GOLPH3: variants seen among roughly 807,000 people sequenced by gnomAD.
GOLPH3 encodes the protein golgi phosphoprotein 3, also known as coat protein GPP34.
Under a neutral mutation model 28.5 loss-of-function variants are expected in GOLPH3, and 14 were observed. That is an observed-to-expected ratio of 0.49 (90% CI 0.32 to 0.77). The LOEUF is 0.77. Among genes scored for constraint, GOLPH3 ranks in the 30% least tolerant of loss-of-function variants. GOLPH3 has a pLI of 0.03. For missense variants in GOLPH3, 350 were observed against 393.7 expected, an observed-to-expected ratio of 0.89 and a Z score of 0.94; for synonymous variants, 158 against 159.2, an observed-to-expected ratio of 0.99 and a Z score of 0.06.
chr5:32,150,634 T>C (rs1197065481), intron 1 of GOLPH3, among the ~76,000 whole-genome samples: 2 of 152,210 alleles, frequency 1.3e-5, no homozygotes, highest in Non-Finnish European at 2.9e-5. Flanking sequence ...TGAGTATCCC[T>C]TATCCAAAAT....
intron 2 of GOLPH3, among the ~76,000 whole-genome samples, chr5:32,142,046 C>T (rs1321324370): frequency 6.6e-6 from 1 of 152,168 alleles, no homozygotes; most frequent in South Asian, 2.1e-4. Flanking sequence ...AAGTGAGGAG[C>T]GTCTCCGCCT....
At chr5:32,157,696 G>A (rs538250494) in intron 1 of GOLPH3, among the ~76,000 whole-genome samples, 1 of 152,266 alleles carries the variant, frequency 6.6e-6, no homozygotes, top group Admixed American at 6.5e-5. Flanking sequence ...TGATACTGGG[G>A]TTGGGCATAG....
intron 3 of GOLPH3, among the ~76,000 whole-genome samples, chr5:32,133,838 AC>A (rs1745876299): frequency 6.6e-6 from 1 of 152,222 alleles, no homozygotes; most frequent in Non-Finnish European, 1.5e-5. Flanking sequence ...AGAAATTACA[AC>A]TGAAGACAAC....
rs535096489 is a variant in GOLPH3 at position 32,171,219 on chromosome 5, T to G, written c.225+2591A>C. 7.2e-5 allele frequency among the ~76,000 whole-genome samples: 11 copies of G among 152,176 alleles called. No homozygotes were observed. In the South Asian group the frequency reaches 2.1e-3, roughly 29 times the overall value. On this transcript the variant is annotated intron_variant, in intron 1 of 3. Coordinates refer to ENST00000265070, the MANE Select transcript of GOLPH3 (RefSeq NM_022130.4). ...ACCTTTTGGCTTCCCTGGGCCACAC[T>G]GGAAGAACTGTCTTGGGCCATATAT...
At chr5:32,143,324 A>G (rs1431661172) in intron 2 of GOLPH3, among the ~76,000 whole-genome samples, 2 of 151,674 alleles carry the variant, frequency 1.3e-5, no homozygotes, top group African/African-American at 4.8e-5. Context: ...GGAAGGCCGC[A>G]GGGTCCTCTG....
intron 1 of GOLPH3, among the ~76,000 whole-genome samples, chr5:32,157,466 C>A (rs1746455573): frequency 6.6e-6 from 1 of 152,154 alleles, no homozygotes; most frequent in Non-Finnish European, 1.5e-5. Context: ...CAAAGATGGG[C>A]AAACAACGCC....
At chr5:32,166,397 G>A (rs1443920971) in intron 1 of GOLPH3, among the ~76,000 whole-genome samples, 1 of 152,128 alleles carries the variant, frequency 6.6e-6, no homozygotes, top group Admixed American at 6.5e-5. Flanking sequence ...TTGTAATACT[G>A]TACAATGCTA....
chr5:32,150,560 TAGAC>T (rs1044622374), intron 1 of GOLPH3, among the ~76,000 whole-genome samples: 1 of 151,696 alleles, frequency 6.6e-6, no homozygotes, highest in African/African-American at 2.4e-5. Context: ...GGCACATGAA[TAGAC>T]AGACCAACAG....
Position 32,143,938 on chromosome 5 carries a change from T to TA in GOLPH3, c.226-59dup, listed in dbSNP as rs1223003347. The TA allele has an allele frequency of 2.4e-5, 29 of 1,229,178 alleles. No homozygotes were observed. In the East Asian group the frequency reaches 4.8e-4, roughly 20 times the overall value. 76.1% of individuals were successfully genotyped at this position (1,229,178 alleles called of 1,614,324 possible). On this transcript the variant is annotated intron_variant, in intron 1 of 3. Transcript: ENST00000265070. ...TAGCTAATTTACCTTGAATTCAGAG[T>TA]AAAAAACAGAAATATTATCAGCCAA...
intron 2 of GOLPH3, among the ~76,000 whole-genome samples, chr5:32,141,921 G>C (rs1005578546): frequency 7.2e-5 from 11 of 151,768 alleles, no homozygotes; most frequent in Non-Finnish European, 1.5e-4. Flanking sequence ...TGGTGCCCAG[G>C]CTGGAGCGCA....
rs557543590 is a variant in GOLPH3, at chr5:32,141,726, C to T, written c.357+2023G>A. ...GCCTGATTCTCCTGCCTCAGCTAGC[C>T]GAGTGCCTGCGATTGCAGGCGCGCG... is the stretch of plus-strand genomic sequence containing the variant. On this transcript the variant is annotated intron_variant, in intron 2 of 3. Transcript: ENST00000265070. Among the ~76,000 whole-genome samples the T allele has an allele frequency of 3.9e-5, 6 of 152,284 alleles. No individual in the cohort carries two copies. The East Asian group carries it at 9.6e-4, about 24-fold the overall frequency.
At chr5:32,155,388 G>C (rs1033774696) in intron 1 of GOLPH3, among the ~76,000 whole-genome samples, 3 of 151,966 alleles carry the variant, frequency 2.0e-5, no homozygotes, top group African/African-American at 7.3e-5. Flanking sequence ...ATCTCACTAC[G>C]TTGTCCAGGC....
chr5:32,162,508 A>G (rs1746608075), intron 1 of GOLPH3, among the ~76,000 whole-genome samples: 1 of 151,906 alleles, frequency 6.6e-6, no homozygotes, highest in Non-Finnish European at 1.5e-5. Context: ...AAAAAAAATT[A>G]AAATTTTTAA....
chr5:32,173,782 C>T, intron 1 of GOLPH3, 28 bp downstream of exon 1: 1 of 1,331,634 alleles, frequency 7.5e-7, no homozygotes, highest in Non-Finnish European at 9.6e-7. Flanking sequence ...CGCGCCGCCG[C>T]CCCCCGCCCA....
intron 1 of GOLPH3, among the ~76,000 whole-genome samples, chr5:32,157,901 CAGG>C (rs918389619): frequency 6.6e-6 from 1 of 151,382 alleles, no homozygotes; most frequent in Non-Finnish European, 1.5e-5. Context: ...CGCTTGAACC[CAGG>C]AGGAGGAGGT....
Position 32,130,296 on chromosome 5 carries a change from G to A in GOLPH3, c.473-3660C>T, listed in dbSNP as rs976049445. Among the ~76,000 whole-genome samples the A allele has an allele frequency of 3.9e-5, 6 of 152,114 alleles. No homozygotes were observed. The East Asian group carries it at 9.6e-4, about 24-fold the overall frequency. ...GAATTGGGTAACTATTGTGTTAAAC[G>A]ACTTAGGGAAATTTAAACTAATGCA... On this transcript the variant is annotated intron_variant, in intron 3 of 3. Transcript: ENST00000265070.
intron 3 of GOLPH3, among the ~76,000 whole-genome samples, chr5:32,131,986 C>T (rs1745834507): frequency 6.6e-6 from 1 of 152,088 alleles, no homozygotes; most frequent in African/African-American, 2.4e-5. Context: ...GAAACCCCAT[C>T]TCTACAAAAA....
intron 2 of GOLPH3, among the ~76,000 whole-genome samples, chr5:32,138,599 G>C (rs1264012332): frequency 6.6e-6 from 1 of 152,010 alleles, no homozygotes; most frequent in African/African-American, 2.4e-5. Flanking sequence ...TTAATATTTT[G>C]ATTTAACCAA....
Position 32,173,966 on chromosome 5 carries a change from G to T in GOLPH3, c.69C>A (p.Ala23=), listed in dbSNP as rs752458232. The part of the protein sequence containing the change: ...QRRTEASRNA[A]DKERAAGGGA... Reference sequence around the variant, plus strand: ...CGCCGCCCGCCGCCCGCTCCTTGTCGGCGGCGTTGCGGGAGGCCTCGGTGC... The same window carrying T: ...CGCCGCCCGCCGCCCGCTCCTTGTCTGCGGCGTTGCGGGAGGCCTCGGTGC... Residue 23 remains alanine, a synonymous_variant, in exon 1 of 4, where the codon GCC becomes GCA. Transcript: ENST00000265070. 38 of 1,414,104 alleles carry T rather than the reference G, an allele frequency of 2.7e-5. No homozygotes were observed. The South Asian group carries it at 5.4e-4, about 20-fold the overall frequency. 87.6% of individuals were successfully genotyped at this position (1,414,104 alleles called of 1,614,324 possible).
Sources: gnomAD v4.1 joint callset for allele counts (sites outside exome capture counted in the v4.1 genomes callset) on GRCh38, gnomAD v4.1.1 for gene constraint, MANE v1.5 for transcripts, NCBI Gene and HGNC (gene_info 2026-07-23, HGNC 2026-07-21) for gene names.